Variants in SGCZ observed in about 807,000 individuals in gnomAD.
The protein encoded by SGCZ is zeta-sarcoglycan.
A neutral mutation model predicts 41.3 loss-of-function variants in SGCZ; 40 were observed. That is an observed-to-expected ratio of 0.97 (90% CI 0.75 to 1.26). SGCZ has a LOEUF of 1.26. SGCZ is among the 50% of genes most tolerant of loss of function. The pLI, the probability that SGCZ is intolerant of heterozygous loss-of-function variation, is 0.00. For missense variants in SGCZ, 552 were observed against 369.8 expected, an observed-to-expected ratio of 1.49 and a Z score of -4.04; for synonymous variants, 206 against 137.5, an observed-to-expected ratio of 1.50 and a Z score of -3.49.
Position 14,507,973 on chromosome 8 carries a change from G to A in SGCZ, c.234+46759C>T, listed in dbSNP as rs145581455. Among the ~76,000 whole-genome samples, 1,426 of 152,086 alleles carry A rather than the reference G, an allele frequency of 9.4e-3. 27 individuals are homozygous for A. The highest frequency in any genetic ancestry group is 0.032 in the African/African-American group (1,322 of 41,498). On this transcript the variant is annotated intron_variant, in intron 2 of 7. Coordinates refer to ENST00000382080, the MANE Select transcript of SGCZ (RefSeq NM_139167.4). ...TTTAGTAGAGACGGGGTTTTTCCAT[G>A]TTGGTCAGGCTGGTCTCAAACTCCC...
intron 2 of SGCZ, among the ~76,000 whole-genome samples, chr8:14,527,810 T>C (rs1326473564): frequency 6.6e-6 from 1 of 152,050 alleles, no homozygotes; most frequent in Non-Finnish European, 1.5e-5. Context: ...GAGTAACCCA[T>C]GTCCATAACA....
intron 4 of SGCZ, among the ~76,000 whole-genome samples, chr8:14,204,344 T>C (rs370600200): frequency 6.6e-5 from 10 of 152,128 alleles, no homozygotes; most frequent in African/African-American, 2.4e-4. Flanking sequence ...ATACCAGCAT[T>C]ACCCAGAACA....
intron 2 of SGCZ, among the ~76,000 whole-genome samples, chr8:14,458,387 G>C (rs764565484): frequency 1.3e-5 from 2 of 152,132 alleles, no homozygotes; most frequent in Non-Finnish European, 2.9e-5. Context: ...ACTCCAGTAA[G>C]TAAAGTTGTT....
At chr8:15,062,903 T>C (rs1479514885) in intron 1 of SGCZ, among the ~76,000 whole-genome samples, 2 of 151,994 alleles carry the variant, frequency 1.3e-5, no homozygotes, top group East Asian at 3.8e-4. Flanking sequence ...TTTTAAAGCA[T>C]AGTTAAAATA....
intron 2 of SGCZ, among the ~76,000 whole-genome samples, chr8:14,507,036 C>T (rs774126087): frequency 3.9e-5 from 6 of 152,166 alleles, no homozygotes; most frequent in Non-Finnish European, 5.9e-5. Context: ...CTTTCAATCT[C>T]TGTGATTGCC....
chr8:14,398,476 A>G (rs1798979435), intron 2 of SGCZ, among the ~76,000 whole-genome samples: 1 of 152,146 alleles, frequency 6.6e-6, no homozygotes, highest in Non-Finnish European at 1.5e-5. Flanking sequence ...GCCTTTGGCC[A>G]ACAATTATAG....
intron 2 of SGCZ, among the ~76,000 whole-genome samples, chr8:14,372,596 G>A (rs756476561): frequency 4.6e-5 from 7 of 152,146 alleles, no homozygotes; most frequent in Non-Finnish European, 7.4e-5. Flanking sequence ...ATTTTAAGCA[G>A]ATTTGTAGGA....
chr8:14,579,612 A>G (rs1236025825), intron 1 of SGCZ, among the ~76,000 whole-genome samples: 2 of 152,196 alleles, frequency 1.3e-5, no homozygotes, highest in Admixed American at 1.3e-4. Context: ...CTTTCTAGCA[A>G]TTACTTTTTT....
intron 1 of SGCZ, among the ~76,000 whole-genome samples, chr8:14,786,354 T>C (rs1800767536): frequency 6.6e-6 from 1 of 152,122 alleles, no homozygotes; most frequent in Non-Finnish European, 1.5e-5. Flanking sequence ...AATTAGTATG[T>C]CCTGTATAAT....
intron 1 of SGCZ, among the ~76,000 whole-genome samples, chr8:14,882,799 C>T (rs1031100987): frequency 6.6e-5 from 10 of 152,126 alleles, no homozygotes; most frequent in African/African-American, 1.4e-4. Flanking sequence ...TTTCCCTTTT[C>T]GCACCTGCAC....
At chr8:14,203,221 T>C (rs115041433) in intron 4 of SGCZ, among the ~76,000 whole-genome samples, 6,966 of 152,280 alleles carry the variant, frequency 0.046, 195 homozygotes, top group Middle Eastern at 0.082. Context: ...TTTAGGTGTG[T>C]TTGAATTTTA....
At chr8:14,200,070 G>C (rs1178648055) in intron 4 of SGCZ, among the ~76,000 whole-genome samples, 1 of 152,150 alleles carries the variant, frequency 6.6e-6, no homozygotes, top group African/African-American at 2.4e-5. Flanking sequence ...AGTATCCATG[G>C]TTTCTGACAT....
chr8:14,237,446 T>G lies in SGCZ; in HGVS notation c.424+146A>C, dbSNP rs188830361. On this transcript the variant is annotated intron_variant, in intron 4 of 7. Transcript: ENST00000382080. ...ATCTGCCCGCCTCAGCCTCCCAAAGTGCACTCCAGCCTGGTGACAGAGTGA... is the reference window on the plus strand; with the variant it reads ...ATCTGCCCGCCTCAGCCTCCCAAAGGGCACTCCAGCCTGGTGACAGAGTGA... 8.5e-3 allele frequency: 5,980 copies of G among 704,432 alleles called. 104 individuals carry two copies. Among genetic ancestry groups the G allele is most frequent in the South Asian group, 0.043 (2,241 of 52,644 alleles). 43.6% of individuals were successfully genotyped at this position (704,432 alleles called of 1,614,324 possible).
chr8:14,549,652 A>G (rs755598880), intron 2 of SGCZ, among the ~76,000 whole-genome samples: 1 of 152,092 alleles, frequency 6.6e-6, no homozygotes, highest in Non-Finnish European at 1.5e-5. Flanking sequence ...GGACGTTGAT[A>G]GAGGAGAAGA....
intron 2 of SGCZ, among the ~76,000 whole-genome samples, chr8:14,422,515 A>G (rs557510590): frequency 2.0e-5 from 3 of 152,166 alleles, no homozygotes. Context: ...CCCCTCACAC[A>G]CTCATTGGTG....
At chr8:14,977,331 T>G (rs1801510492) in intron 1 of SGCZ, among the ~76,000 whole-genome samples, 1 of 152,134 alleles carries the variant, frequency 6.6e-6, no homozygotes, top group African/African-American at 2.4e-5. Context: ...AGGCACTAAA[T>G]GAACATTTGC....
At chr8:14,828,331 T>C (rs1563298266) in intron 1 of SGCZ, among the ~76,000 whole-genome samples, 2 of 152,328 alleles carry the variant, frequency 1.3e-5, no homozygotes, top group East Asian at 1.9e-4. Flanking sequence ...TGTATCCTAA[T>C]TGAAGAGAAG....
At chr8:14,496,186 C>T (rs1419523512) in intron 2 of SGCZ, among the ~76,000 whole-genome samples, 1 of 151,714 alleles carries the variant, frequency 6.6e-6, no homozygotes, top group Admixed American at 6.6e-5. Flanking sequence ...CTGCCTCAGC[C>T]TCCTGAGTAG....
chr8:14,657,925 T>C (rs1807627162), intron 1 of SGCZ, among the ~76,000 whole-genome samples: 1 of 152,218 alleles, frequency 6.6e-6, no homozygotes, highest in Non-Finnish European at 1.5e-5. Context: ...TAGAATTATT[T>C]ACTCCTTACC....
Sources: allele counts gnomAD v4.1 joint callset (sites outside exome capture counted in the v4.1 genomes callset), GRCh38; gene constraint gnomAD v4.1.1; transcripts MANE v1.5; gene names NCBI Gene and HGNC (gene_info 2026-07-23, HGNC 2026-07-21).